The following NREP variants were observed in gnomAD, a reference collection of about 807,000 sequenced individuals.
NREP encodes neuronal regeneration related protein.
Under a neutral mutation model 8.6 loss-of-function variants are expected in NREP, and 5 were observed. The observed-to-expected ratio is 0.58, with a 90% confidence interval of 0.30 to 1.22. NREP has a LOEUF of 1.22. Ranked by LOEUF, NREP falls within the 50% of genes most tolerant of loss-of-function variation. The pLI, the probability that NREP is intolerant of heterozygous loss-of-function variation, is 0.07. For synonymous variants in NREP, 27 were observed against 28.0 expected, an observed-to-expected ratio of 0.96 and a Z score of 0.11; for missense variants, 86 against 82.5, an observed-to-expected ratio of 1.04 and a Z score of -0.17.
intron 2 of NREP, among the ~76,000 whole-genome samples, chr5:111,891,736 G>A (rs980516820): frequency 2.0e-5 from 3 of 152,170 alleles, no homozygotes; most frequent in African/African-American, 7.2e-5. Flanking sequence ...GGTGGGAGCA[G>A]GAGCAAGAGG....
At chr5:111,882,845 A>G (rs1210047876) in intron 2 of NREP, among the ~76,000 whole-genome samples, 1 of 152,278 alleles carries the variant, frequency 6.6e-6, no homozygotes, top group Non-Finnish European at 1.5e-5. Flanking sequence ...ATGGAAAGGA[A>G]CAACCGGTAC....
At chr5:111,863,216 A>G (rs576746619) in intron 2 of NREP, among the ~76,000 whole-genome samples, 8 of 152,230 alleles carry the variant, frequency 5.3e-5, no homozygotes, top group African/African-American at 1.9e-4. Flanking sequence ...AAGAGTTAAA[A>G]TCAAGATGAT....
At chr5:111,940,494 G>A (rs1297631668) in intron 2 of NREP, among the ~76,000 whole-genome samples, 1 of 152,028 alleles carries the variant, frequency 6.6e-6, no homozygotes, top group Non-Finnish European at 1.5e-5. Flanking sequence ...AGAGAATTCA[G>A]TAGACACATA....
intron 2 of NREP, among the ~76,000 whole-genome samples, chr5:111,776,791 C>T (rs1441537163): frequency 6.6e-6 from 1 of 152,116 alleles, no homozygotes; most frequent in Non-Finnish European, 1.5e-5. Flanking sequence ...TAGAGATTTG[C>T]CCTGGGGCAT....
chr5:111,869,843 T>C (rs574900260), intron 2 of NREP, among the ~76,000 whole-genome samples: 1 of 152,208 alleles, frequency 6.6e-6, no homozygotes, highest in Non-Finnish European at 1.5e-5. Context: ...AGCCTAAAGT[T>C]GAGCAAATGT....
At chr5:111,951,515 CAG>C (rs1756159521) in intron 2 of NREP, among the ~76,000 whole-genome samples, 1 of 151,978 alleles carries the variant, frequency 6.6e-6, no homozygotes, top group South Asian at 2.1e-4. Flanking sequence ...GCAGTTATGA[CAG>C]AGAATGTATA....
chr5:111,805,379 A>C (rs1216402869), intron 2 of NREP, among the ~76,000 whole-genome samples: 1 of 152,224 alleles, frequency 6.6e-6, no homozygotes, highest in Non-Finnish European at 1.5e-5. Flanking sequence ...TATTCATTGC[A>C]TATTTGTGGT....
intron 1 of NREP, among the ~76,000 whole-genome samples, chr5:111,976,037 T>C (rs1012626757): frequency 4.6e-5 from 7 of 152,160 alleles, no homozygotes; most frequent in Non-Finnish European, 7.4e-5. Context: ...ATAATGATAA[T>C]TGAAAGAAAC....
At chr5:111,973,216 A>G (rs551538448) in intron 2 of NREP, among the ~76,000 whole-genome samples, 1 of 152,116 alleles carries the variant, frequency 6.6e-6, no homozygotes, top group South Asian at 2.1e-4. Context: ...CCAGCAGCTG[A>G]AATCTTAATT....
At chr5:111,923,647 C>T (rs183087851) in intron 2 of NREP, among the ~76,000 whole-genome samples, 1 of 152,304 alleles carries the variant, frequency 6.6e-6, no homozygotes, top group East Asian at 1.9e-4. Flanking sequence ...AGGGCCACTG[C>T]TGCAACTGCC....
At chr5:111,738,061 T>G (rs1749305439) in intron 2 of NREP, among the ~76,000 whole-genome samples, 1 of 152,194 alleles carries the variant, frequency 6.6e-6, no homozygotes, top group Non-Finnish European at 1.5e-5. Flanking sequence ...CCTGCTTGGC[T>G]GGTATCTAAG....
At chr5:111,862,904 CAA>C (rs1753582769) in intron 2 of NREP, among the ~76,000 whole-genome samples, 2 of 150,024 alleles carry the variant, frequency 1.3e-5, no homozygotes, top group Non-Finnish European at 3.0e-5. Context: ...GAGGGTGACA[CAA>C]GAGGAGGTTT....
At chr5:111,926,372 T>C (rs1263961701) in intron 2 of NREP, among the ~76,000 whole-genome samples, 4 of 152,094 alleles carry the variant, frequency 2.6e-5, no homozygotes, top group African/African-American at 9.7e-5. Context: ...TCATTCCCCA[T>C]GCATGTTCCA....
upstream of NREP, among the ~76,000 whole-genome samples, chr5:111,760,515 G>A (rs963954504): frequency 1.3e-5 from 2 of 152,336 alleles, no homozygotes; most frequent in Middle Eastern, 3.4e-3. Context: ...AAGTGAAGGT[G>A]CAGTGTGATA....
At chr5:111,828,034 T>G (rs1752669511) in intron 2 of NREP, among the ~76,000 whole-genome samples, 1 of 143,232 alleles carries the variant, frequency 7.0e-6, no homozygotes, top group South Asian at 2.2e-4. Flanking sequence ...TCCTTTAGAA[T>G]TTTTTTTTTT....
chr5:111,830,550 C>A (rs1435169876), intron 2 of NREP, among the ~76,000 whole-genome samples: 1 of 152,198 alleles, frequency 6.6e-6, no homozygotes, highest in Non-Finnish European at 1.5e-5. Flanking sequence ...GAGTCACAAG[C>A]CACAACACTC....
intron 2 of NREP, among the ~76,000 whole-genome samples, chr5:111,792,061 T>C (rs756350931): frequency 6.6e-6 from 1 of 152,212 alleles, no homozygotes; most frequent in African/African-American, 2.4e-5. Context: ...ACATAAATAA[T>C]TTGCTTTAGA....
intron 2 of NREP, among the ~76,000 whole-genome samples, chr5:111,884,916 C>T (rs138302595): frequency 1.2e-3 from 187 of 152,196 alleles, no homozygotes; most frequent in African/African-American, 4.3e-3. Flanking sequence ...AACTGGCACA[C>T]GACAGGGATG....
chr5:111,895,962 C>T (rs1172965361), intron 2 of NREP, among the ~76,000 whole-genome samples: 1 of 152,064 alleles, frequency 6.6e-6, no homozygotes, highest in African/African-American at 2.4e-5. Context: ...TCCAGCACAT[C>T]CTGAATGAAC....
Sources: gnomAD v4.1 joint callset for allele counts (sites outside exome capture counted in the v4.1 genomes callset) on GRCh38, gnomAD v4.1.1 for gene constraint, MANE v1.5 for transcripts, NCBI Gene and HGNC (gene_info 2026-07-23, HGNC 2026-07-21) for gene names.